Variants in RPH3A observed in about 807,000 individuals in gnomAD.
RPH3A encodes rabphilin-3A.
In RPH3A, 48 loss-of-function variants were observed where a neutral mutation model predicts 102.2. That is an observed-to-expected ratio of 0.47 (90% CI 0.37 to 0.60). The LOEUF is 0.60. Among genes scored for constraint, RPH3A ranks in the 20% least tolerant of loss-of-function variants. RPH3A has a pLI of 0.00. For synonymous variants in RPH3A, 310 were observed against 324.3 expected (o/e 0.96, Z 0.47); for missense variants, 781 against 910.1 (o/e 0.86, Z 1.83).
At chr12:112,851,740 C>G (rs769649112) in intron 5 of RPH3A, among the ~76,000 whole-genome samples, 4 of 152,206 alleles carry the variant, frequency 2.6e-5, no homozygotes, top group African/African-American at 9.6e-5. Flanking sequence ...TCTTCAGCTT[C>G]CCAGGAGGGA....
chr12:112,767,244 A>G (rs2040896696), intron 1 of RPH3A, among the ~76,000 whole-genome samples: 1 of 152,130 alleles, frequency 6.6e-6, no homozygotes, highest in South Asian at 2.1e-4. Flanking sequence ...TAGAGGCATA[A>G]TATTTGTTGA....
At chr12:112,825,740 C>T (rs994291586) in intron 2 of RPH3A, among the ~76,000 whole-genome samples, 12 of 152,154 alleles carry the variant, frequency 7.9e-5, no homozygotes, top group East Asian at 1.9e-4. Context: ...AAGTTCCGCA[C>T]GGCTTACATG....
intron 1 of RPH3A, among the ~76,000 whole-genome samples, chr12:112,596,186 G>T (rs1241203900): frequency 2.5e-5 from 3 of 117,772 alleles, no homozygotes; most frequent in Non-Finnish European, 6.4e-5. Flanking sequence ...CTCTTGCCCA[G>T]GCTGGAGTGC....
At chr12:112,648,345 TGCTTTTCA>T (rs1454499970) in intron 1 of RPH3A, among the ~76,000 whole-genome samples, 2 of 151,730 alleles carry the variant, frequency 1.3e-5, no homozygotes, top group Non-Finnish European at 2.9e-5. Context: ...ACATTTAGGT[TGCTTTTCA>T]TTTTTCTTAA....
At chr12:112,675,862 CAG>C (rs1251477624) in intron 1 of RPH3A, among the ~76,000 whole-genome samples, 2 of 152,094 alleles carry the variant, frequency 1.3e-5, no homozygotes, top group African/African-American at 4.8e-5. Flanking sequence ...GTTTTTAAGA[CAG>C]AGAGATGTAA....
intron 1 of RPH3A, among the ~76,000 whole-genome samples, chr12:112,700,588 G>T (rs924660908): frequency 3.9e-5 from 6 of 152,136 alleles, no homozygotes; most frequent in Admixed American, 3.9e-4. Context: ...CACTCTCCGA[G>T]TCTGCACCTG....
At chr12:112,682,355 C>CTTTT (rs35365778) in intron 1 of RPH3A, among the ~76,000 whole-genome samples, 3 of 116,524 alleles carry the variant, frequency 2.6e-5, no homozygotes, top group African/African-American at 9.3e-5. Context: ...TTCTTTCTTT[C>CTTTT]TTTTTTTTTT....
At chr12:112,702,192 A>G (rs982705729) in intron 1 of RPH3A, among the ~76,000 whole-genome samples, 2 of 152,236 alleles carry the variant, frequency 1.3e-5, no homozygotes, top group African/African-American at 4.8e-5. Context: ...CATAAACTAC[A>G]TGAAGACTCT....
chr12:112,884,803 A>G (rs1176448439), intron 16 of RPH3A, among the ~76,000 whole-genome samples: 2 of 152,360 alleles, frequency 1.3e-5, no homozygotes, highest in East Asian at 3.9e-4. Context: ...GAATTTTCAC[A>G]ATAGTGAACA....
At chr12:112,635,326 A>G (rs2039840214) in intron 1 of RPH3A, among the ~76,000 whole-genome samples, 3 of 152,200 alleles carry the variant, frequency 2.0e-5, no homozygotes, top group Non-Finnish European at 4.4e-5. Context: ...GTTAAGTGCT[A>G]GGCTCTGGAG....
intron 1 of RPH3A, among the ~76,000 whole-genome samples, chr12:112,643,453 A>C (rs2039904957): frequency 6.6e-6 from 1 of 152,236 alleles, no homozygotes; most frequent in Admixed American, 6.5e-5. Flanking sequence ...TTTCAATAGA[A>C]TTTAAAGTAT....
At chr12:112,677,883 A>G (rs2040192917) in intron 1 of RPH3A, among the ~76,000 whole-genome samples, 1 of 152,064 alleles carries the variant, frequency 6.6e-6, no homozygotes, top group Non-Finnish European at 1.5e-5. Flanking sequence ...CAGAACCTAG[A>G]ACCAGAGATT....
At chr12:112,800,108 C>T (rs1051975490) in intron 2 of RPH3A, among the ~76,000 whole-genome samples, 4 of 152,100 alleles carry the variant, frequency 2.6e-5, no homozygotes, top group African/African-American at 9.7e-5. Context: ...AACACATAAA[C>T]AAGAAAACTC....
Position 112,866,767 on chromosome 12 carries a change from C to G in RPH3A, c.371C>G (p.Thr124Ser), listed in dbSNP as rs1463417169. Reference protein sequence around the residue: ...VCEDCKKNVCTKCGVETNNRL... With the variant: ...VCEDCKKNVCSKCGVETNNRL... ...GTGTTTCATCCACAGAACGTCTGCA[C>G]CAAGTGCGGAGTGGAGACCAACAAC... The change falls in exon 7 of 22, where the codon ACC (threonine) becomes AGC (serine). Residue 124 changes from threonine (T) to serine (S), a missense_variant. Physicochemically the swap from Thr to Ser is moderately conservative, Grantham distance 58. This residue lies in a region of RPH3A where 730 missense variants were observed against 810.0 expected (regional missense o/e 0.90). Transcript: ENST00000389385. 2 of 1,609,300 alleles carry G rather than the reference C, an allele frequency of 1.2e-6. No individual in the cohort carries two copies. The highest frequency in any genetic ancestry group is 2.2e-5 in the South Asian group (2 of 90,312).
At chr12:112,643,457 A>G (rs1211614391) in intron 1 of RPH3A, among the ~76,000 whole-genome samples, 1 of 152,262 alleles carries the variant, frequency 6.6e-6, no homozygotes, top group East Asian at 1.9e-4. Flanking sequence ...AATAGAATTT[A>G]AAGTATTTTG....
At chr12:112,701,121 A>T (rs2040390818) in intron 1 of RPH3A, among the ~76,000 whole-genome samples, 1 of 152,190 alleles carries the variant, frequency 6.6e-6, no homozygotes, top group South Asian at 2.1e-4. Context: ...ATGCACTGGG[A>T]TACAAACTTT....
intron 1 of RPH3A, among the ~76,000 whole-genome samples, chr12:112,782,765 C>A (rs1243697047): frequency 6.6e-6 from 1 of 152,190 alleles, no homozygotes; most frequent in Non-Finnish European, 1.5e-5. Flanking sequence ...GGAGCTGCTT[C>A]ACTTCCCCTG....
chr12:112,878,202 C>T (rs1247462591), intron 13 of RPH3A, among the ~76,000 whole-genome samples: 1 of 152,154 alleles, frequency 6.6e-6, no homozygotes, highest in Non-Finnish European at 1.5e-5. Context: ...CTGAAAATGC[C>T]CTGTCTATGC....
chr12:112,868,209 A>G, intron 7 of RPH3A: 1 of 498,618 alleles, frequency 2.0e-6, no homozygotes. Flanking sequence ...TCCAAACTCC[A>G]CTTTCTTCAT....
Sources: gnomAD v4.1 joint callset for allele counts (sites outside exome capture counted in the v4.1 genomes callset) on GRCh38, gnomAD v4.1.1 for gene constraint, gnomAD v4.1.1 regional missense constraint, MANE v1.5 for transcripts, NCBI Gene and HGNC (gene_info 2026-07-23, HGNC 2026-07-21) for gene names.